Variants in SMOC2 observed in about 807,000 individuals in gnomAD.
SMOC2 encodes SPARC-related modular calcium-binding protein 2.
SMOC2 carries 39 observed loss-of-function variants against 61.4 expected under a neutral mutation model. That is an observed-to-expected ratio of 0.64 (90% CI 0.49 to 0.83). The LOEUF (loss-of-function observed/expected upper bound fraction) is 0.83. Among genes scored for constraint, SMOC2 ranks in the 40% least tolerant of loss-of-function variants. The pLI is 0.00. For missense variants in SMOC2, 556 were observed against 592.9 expected, an observed-to-expected ratio of 0.94 and a Z score of 0.65; for synonymous variants, 247 against 239.9, an observed-to-expected ratio of 1.03 and a Z score of -0.27.
At chr6:168,481,330 G>C (rs905853834) in intron 1 of SMOC2, among the ~76,000 whole-genome samples, 2 of 152,004 alleles carry the variant, frequency 1.3e-5, no homozygotes, top group Non-Finnish European at 2.9e-5. Context: ...AATGAACAGG[G>C]TAAAAAACAT....
intron 7 of SMOC2, among the ~76,000 whole-genome samples, chr6:168,588,373 C>T (rs989011130): frequency 1.4e-4 from 22 of 152,256 alleles, no homozygotes; most frequent in Non-Finnish European, 2.6e-4. Context: ...ATCCACCCAC[C>T]TTGGCCTCCC....
intron 1 of SMOC2, among the ~76,000 whole-genome samples, chr6:168,496,659 G>T (rs1782597994): frequency 6.6e-6 from 1 of 152,170 alleles, no homozygotes; most frequent in African/African-American, 2.4e-5. Context: ...CCTGAGAGGT[G>T]TCAGGTGAAG....
At chr6:168,498,892 C>T (rs28645119) in intron 1 of SMOC2, among the ~76,000 whole-genome samples, 3 of 115,056 alleles carry the variant, frequency 2.6e-5, no homozygotes, top group South Asian at 2.9e-4. Context: ...TCTGGGGGGA[C>T]AGCCAGGGCC....
At chr6:168,524,341 CTTAA>C (rs907214400) in intron 2 of SMOC2, among the ~76,000 whole-genome samples, 2 of 152,176 alleles carry the variant, frequency 1.3e-5, no homozygotes, top group African/African-American at 2.4e-5. Context: ...CATGCTAAGT[CTTAA>C]TTGTTTCCTA....
At chr6:168,450,202 TA>T (rs1430069478) in intron 1 of SMOC2, among the ~76,000 whole-genome samples, 1 of 152,176 alleles carries the variant, frequency 6.6e-6, no homozygotes, top group Non-Finnish European at 1.5e-5. Context: ...CAAATGTACA[TA>T]AAGTTTTGAA....
rs370679751 is a variant in SMOC2, at chr6:168,527,726, G to C, written c.462G>C (p.Pro154=). 5 of 1,549,438 alleles carry C rather than the reference G, an allele frequency of 3.2e-6. No individual in the cohort carries two copies. Among genetic ancestry groups the C allele is most frequent in the African/African-American group, 2.7e-5 (2 of 73,186 alleles). The change falls in exon 4 of 13, where the codon CCG becomes CCC. Residue 154 remains proline (P), a splice_region_variant and synonymous_variant. Coordinates refer to ENST00000356284, the MANE Select transcript of SMOC2 (RefSeq NM_001166412.2). Reference sequence around the variant, plus strand: ...TGGCCCACAAGACGCCCCGGTGCCCGGGTAGGTCTGACGTGCCTTTCCAAG... The same window carrying C: ...TGGCCCACAAGACGCCCCGGTGCCCCGGTAGGTCTGACGTGCCTTTCCAAG... ...TAVAHKTPRC[P]GSVNEKLPQR... is the part of the protein sequence containing the mutation.
At position 168,653,029 on chromosome 6, in the gene SMOC2, C is replaced by T; in HGVS notation, c.1086C>T (p.Asn362=). 1 of 1,614,118 alleles carries T rather than the reference C, an allele frequency of 6.2e-7. No homozygotes were observed. Among genetic ancestry groups the T allele is most frequent in the African/African-American group, 1.3e-5 (1 of 75,038 alleles). ...GGTACTTCAAACTACTGGATAAAAACTCCAGTGGAGACATCGGCAAAAAGG... is the reference window on the plus strand; with the variant it reads ...GGTACTTCAAACTACTGGATAAAAATTCCAGTGGAGACATCGGCAAAAAGG... ...VHWYFKLLDK[N]SSGDIGKKEI... is the part of the protein sequence containing the mutation. Residue 362 remains asparagine, a synonymous_variant, in exon 11 of 13, where the codon AAC becomes AAT. Coordinates refer to ENST00000356284, the MANE Select transcript of SMOC2 (RefSeq NM_001166412.2).
intron 1 of SMOC2, among the ~76,000 whole-genome samples, chr6:168,450,185 T>G (rs903217462): frequency 2.6e-5 from 4 of 152,232 alleles, no homozygotes; most frequent in Admixed American, 6.5e-5. Flanking sequence ...CCTCTGTCTT[T>G]GGAATACAAA....
At chr6:168,619,388 A>G (rs189945005) in intron 9 of SMOC2, among the ~76,000 whole-genome samples, 1 of 152,342 alleles carries the variant, frequency 6.6e-6, no homozygotes, top group African/African-American at 2.4e-5. Flanking sequence ...TTTCAGAGAC[A>G]ATTTAAATAA....
At chr6:168,441,872 C>T (rs1364610339) in intron 1 of SMOC2, among the ~76,000 whole-genome samples, 1 of 152,102 alleles carries the variant, frequency 6.6e-6, no homozygotes, top group East Asian at 2.0e-4. Flanking sequence ...TCTGGGAGCG[C>T]CGGCGCCGCC....
chr6:168,575,561 G>C (rs760918284), intron 7 of SMOC2, among the ~76,000 whole-genome samples: 1 of 152,156 alleles, frequency 6.6e-6, no homozygotes, highest in East Asian at 1.9e-4. Flanking sequence ...CGCAGGGGGT[G>C]GGTATTTCTG....
chr6:168,519,139 A>G (rs1357467072), intron 2 of SMOC2, among the ~76,000 whole-genome samples: 1 of 129,914 alleles, frequency 7.7e-6, no homozygotes. Context: ...GTATGTGTGC[A>G]TGTGTGAGCA....
At chr6:168,555,648 A>G (rs1784230105) in intron 7 of SMOC2, among the ~76,000 whole-genome samples, 1 of 152,148 alleles carries the variant, frequency 6.6e-6, no homozygotes, top group Non-Finnish European at 1.5e-5. Context: ...CGGGATTTGA[A>G]CCAAATTGGG....
intron 11 of SMOC2, among the ~76,000 whole-genome samples, chr6:168,663,603 C>G (rs1035242481): frequency 1.3e-5 from 2 of 152,086 alleles, no homozygotes; most frequent in Non-Finnish European, 2.9e-5. Flanking sequence ...TTAGAAAGTA[C>G]TTACATAGTT....
intron 7 of SMOC2, among the ~76,000 whole-genome samples, chr6:168,580,887 T>C (rs1050369749): frequency 6.6e-6 from 1 of 152,356 alleles, no homozygotes; most frequent in Non-Finnish European, 1.5e-5. Context: ...TGTGTTGTTA[T>C]GAGGATTAAA....
intron 1 of SMOC2, among the ~76,000 whole-genome samples, chr6:168,497,749 C>G (rs1782627480): frequency 6.6e-6 from 1 of 152,214 alleles, no homozygotes; most frequent in Non-Finnish European, 1.5e-5. Context: ...CCTGCATTGG[C>G]AGCTAAGCAT....
At chr6:168,551,423 T>TTTTATTTATTTA (rs147825097) in intron 7 of SMOC2, among the ~76,000 whole-genome samples, 8 of 146,790 alleles carry the variant, frequency 5.4e-5, no homozygotes, top group South Asian at 2.2e-4. Context: ...ATATACTTTA[T>TTTTATTTATTTA]TTTATTTATT....
intron 1 of SMOC2, among the ~76,000 whole-genome samples, chr6:168,508,081 T>TGG (rs894635232): frequency 1.1e-4 from 16 of 152,308 alleles, no homozygotes; most frequent in Non-Finnish European, 1.6e-4. Flanking sequence ...TGGTGAGGTC[T>TGG]GGGGCTCCCC....
At chr6:168,639,382 A>T (rs1199689543) in intron 9 of SMOC2, among the ~76,000 whole-genome samples, 7 of 152,188 alleles carry the variant, frequency 4.6e-5, no homozygotes, top group African/African-American at 1.7e-4. Context: ...AATGCTTTTT[A>T]AAAAGTTTTA....
Sources: allele counts gnomAD v4.1 joint callset (sites outside exome capture counted in the v4.1 genomes callset), GRCh38; gene constraint gnomAD v4.1.1; transcripts MANE v1.5; gene names NCBI Gene and HGNC (gene_info 2026-07-23, HGNC 2026-07-21).